Variants in NF1 observed in about 807,000 individuals in gnomAD.
NF1 encodes neurofibromin.
NF1 carries 122 observed loss-of-function variants against 325.7 expected under a neutral mutation model. The ratio of observed to expected loss-of-function variants is 0.37; its 90% confidence interval spans 0.32 to 0.44. The LOEUF (loss-of-function observed/expected upper bound fraction) is 0.44, where lower values mean the gene tolerates loss of function less well. NF1 is among the 20% of genes least tolerant of loss of function. NF1 has a pLI of 1.00. For synonymous variants in NF1, 1,091 were observed against 1,186.0 expected (o/e 0.92, Z 1.65); for missense variants, 2,140 against 3,415.4 (o/e 0.63, Z 9.31).
At chr17:31,316,381 G>T (rs986263594) in intron 36 of NF1, among the ~76,000 whole-genome samples, 7 of 152,136 alleles carry the variant, frequency 4.6e-5, no homozygotes, top group African/African-American at 1.7e-4. Flanking sequence ...CATTCTGAGA[G>T]TATATGTTTA....
chr17:31,097,476 A>G (rs977118054), intron 1 of NF1, among the ~76,000 whole-genome samples: 1 of 151,766 alleles, frequency 6.6e-6, no homozygotes, highest in African/African-American at 2.4e-5. Flanking sequence ...AAAAAAAAAA[A>G]AAAAGGAGGA....
chr17:31,319,228 T>G (rs1023526310), intron 36 of NF1, among the ~76,000 whole-genome samples: 1 of 152,230 alleles, frequency 6.6e-6, no homozygotes, highest in Non-Finnish European at 1.5e-5. Context: ...ATTAACACTT[T>G]TAGATGCTAG....
At chr17:31,248,912 C>A in intron 29 of NF1, 72 bp from the exon 30 acceptor site, 1 of 1,490,578 alleles carries the variant, frequency 6.7e-7, no homozygotes, top group East Asian at 2.3e-5. Flanking sequence ...GTATAAGAGT[C>A]TCTTTTAAGG....
chr17:31,225,023 C>T, intron 16 of NF1, 72 bp from the exon 17 acceptor site: 2 of 1,543,200 alleles, frequency 1.3e-6, no homozygotes, highest in South Asian at 2.2e-5. Flanking sequence ...AACAGGAAGA[C>T]AACTCAAATA....
At chr17:31,241,384 G>A (rs1307186748) in intron 29 of NF1, among the ~76,000 whole-genome samples, 7 of 152,016 alleles carry the variant, frequency 4.6e-5, no homozygotes, top group African/African-American at 1.7e-4. Flanking sequence ...CTGCTATTTT[G>A]TTATTTGTTT....
At chr17:31,252,454 A>G (rs1038837709) in intron 30 of NF1, 1 of 197,196 alleles carries the variant, frequency 5.1e-6, no homozygotes, top group Non-Finnish European at 1.0e-5. Flanking sequence ...TTATTTCTTT[A>G]TTCAGTAGGA....
At chr17:31,244,586 A>C (rs1219676961) in intron 29 of NF1, among the ~76,000 whole-genome samples, 1 of 152,074 alleles carries the variant, frequency 6.6e-6, no homozygotes, top group African/African-American at 2.4e-5. Context: ...TTCTGCTATG[A>C]CAGGGCAGCA....
At chr17:31,165,299 T>C (rs2065826542) in intron 4 of NF1, among the ~76,000 whole-genome samples, 1 of 152,220 alleles carries the variant, frequency 6.6e-6, no homozygotes, top group African/African-American at 2.4e-5. Flanking sequence ...TTTATTAGCT[T>C]TCAGAGGACA....
chr17:31,360,415 A>T, intron 56 of NF1, 72 bp from the exon 57 acceptor site: 1 of 1,288,312 alleles, frequency 7.8e-7, no homozygotes, highest in Non-Finnish European at 1.1e-6. Context: ...AAACAAAATT[A>T]ATATTTTTGG....
At chr17:31,291,431 A>G (rs886279754) in intron 36 of NF1, among the ~76,000 whole-genome samples, 1 of 152,126 alleles carries the variant, frequency 6.6e-6, no homozygotes, top group African/African-American at 2.4e-5. Flanking sequence ...TTTGTTGCCA[A>G]TATCTGTTAT....
chr17:31,191,336 G>A (rs192128413), intron 8 of NF1, among the ~76,000 whole-genome samples: 38 of 152,164 alleles, frequency 2.5e-4, no homozygotes, highest in African/African-American at 8.9e-4. Flanking sequence ...ATGTATACTC[G>A]AGTATACATA....
chr17:31,310,505 G>A (rs1038821907), intron 36 of NF1, among the ~76,000 whole-genome samples: 83 of 152,118 alleles, frequency 5.5e-4, no homozygotes, highest in African/African-American at 2.0e-3. Context: ...GCCTGTGTTT[G>A]TGAGTGCAGG....
Position 31,232,133 on chromosome 17 carries a change from G to A in NF1, c.3258G>A (p.Gln1086=), listed in dbSNP as rs876660736. Residue 1086 remains glutamine, a synonymous_variant, in exon 25 of 58, where the codon CAG becomes CAA. Coordinates refer to ENST00000358273, the MANE Select transcript of NF1 (RefSeq NM_001042492.3). ...VVSLLAGLPL[Q]PEEGDGVELM... ...CACTTCTAGCTGGTCTCCCTCTGCA[G>A]CCTGAAGAAGGAGATGGTGTGGAAT... 6.3e-7 allele frequency: 1 copy of A among 1,599,610 alleles called. No individual in the cohort carries two copies. Among genetic ancestry groups the A allele is most frequent in the Middle Eastern group, 1.7e-4 (1 of 5,788 alleles).
intron 57 of NF1, among the ~76,000 whole-genome samples, chr17:31,373,118 C>T (rs2070676461): frequency 6.6e-6 from 1 of 152,144 alleles, no homozygotes; most frequent in South Asian, 2.1e-4. Context: ...TGTGAAATGA[C>T]TTGGCATAGC....
chr17:31,374,420 A>C lies in NF1; in HGVS notation c.*265A>C. The C allele has an allele frequency of 2.0e-6, 1 of 508,336 alleles. No homozygotes were observed. Among genetic ancestry groups the C allele is most frequent in the Non-Finnish European group, 3.6e-6 (1 of 280,018 alleles). The allele number at this position is 508,336 out of a possible 1,614,324, so 31.5% of individuals were successfully genotyped here. A position where few individuals can be genotyped will look rare whatever the true frequency, so the allele number is the denominator to read the frequency against. On this transcript the variant is annotated 3_prime_UTR_variant, in exon 58 of 58. Transcript: ENST00000358273. ...TCAGAACAACTGCAAAGAAAGTGGG[A>C]GGTCAGGAAACTTTTAACTGAGAAA...
At chr17:31,363,436 C>CTTT (rs5819928) in intron 57 of NF1, among the ~76,000 whole-genome samples, 13 of 112,458 alleles carry the variant, frequency 1.2e-4, no homozygotes, top group Admixed American at 2.8e-4. Flanking sequence ...TTATCTCTCT[C>CTTT]TTTTTTTTTT....
At position 31,181,479 on chromosome 17, in the gene NF1, G is replaced by A. The variant is rs2143774620; in HGVS notation, c.644G>A (p.Ser215Asn). ...KKVAQLAVIN[S>N]LEKAFWNWVE... is the part of the protein sequence containing the mutation. ...GTTGCGCAGTTAGCAGTTATAAATA[G>A]CCTGGAAAAGGTAAGTTACAACCTC... Residue 215 changes from serine (S) to asparagine (N), a missense_variant, in exon 6 of 58, where the codon AGC becomes AAC. This residue lies in a region of NF1 where 246 missense variants were observed against 347.8 expected (regional missense o/e 0.71). Transcript: ENST00000358273. 6.2e-7 allele frequency: 1 copy of A among 1,613,436 alleles called. No individual in the cohort carries two copies. The highest frequency in any genetic ancestry group is 8.5e-7 in the Non-Finnish European group (1 of 1,179,588).
chr17:31,294,968 C>G lies in NF1; in HGVS notation c.4835+29629C>G, dbSNP rs1007157397. 7.4e-6 allele frequency: 12 copies of G among 1,613,346 alleles called. No homozygotes were observed. The Admixed American group carries it at 1.7e-4, about 22-fold the overall frequency. On this transcript the variant is annotated intron_variant, in intron 36 of 57. Coordinates refer to ENST00000358273, the MANE Select transcript of NF1 (RefSeq NM_001042492.3). ...TGGACATATTTTCCCAACTGTACAT[C>G]AGGGAGGAGTGCTTTCATTAGTTTC...
intron 1 of NF1, among the ~76,000 whole-genome samples, chr17:31,099,558 CT>C (rs34905795): frequency 0.45 from 55,953 of 123,712 alleles, 13,854 homozygotes; most frequent in Middle Eastern, 0.71. Context: ...AGGTGTGTAG[CT>C]TTTTTTTTTT....
Sources: gnomAD v4.1 joint callset for allele counts (sites outside exome capture counted in the v4.1 genomes callset) on GRCh38, gnomAD v4.1.1 for gene constraint, gnomAD v4.1.1 regional missense constraint, MANE v1.5 for transcripts, NCBI Gene and HGNC (gene_info 2026-07-23, HGNC 2026-07-21) for gene names.